GNB3: variants seen among roughly 807,000 people sequenced by gnomAD.
The protein encoded by GNB3 is guanine nucleotide-binding protein G(I)/G(S)/G(T) subunit beta-3.
Under a neutral mutation model 41.2 loss-of-function variants are expected in GNB3, and 33 were observed. The observed-to-expected ratio is 0.80, with a 90% CI of 0.61 to 1.07. The LOEUF (loss-of-function observed/expected upper bound fraction) is 1.07. Among genes scored for constraint, GNB3 ranks in the 50% least tolerant of loss-of-function variants. GNB3 has a pLI of 0.00. For missense variants in GNB3, 409 were observed against 455.3 expected (o/e 0.90, Z 0.92); for synonymous variants, 172 against 173.4 (o/e 0.99, Z 0.06).
chr12:6,842,869 G>C, intron 3 of GNB3, 101 bp from the exon 4 acceptor site: 1 of 726,792 alleles, frequency 1.4e-6, no homozygotes, highest in Non-Finnish European at 2.3e-6. Context: ...GCCTGACCTA[G>C]AGCCTGGCAC....
intron 9 of GNB3, chr12:6,846,309 T>G (rs1943695636): frequency 5.9e-6 from 1 of 168,570 alleles, no homozygotes; most frequent in Admixed American, 5.9e-5. Context: ...CTAATTCTGT[T>G]GCTCACTTTC....
chr12:6,842,389 A>AAAAAAATTG (rs1399565497), intron 3 of GNB3, among the ~76,000 whole-genome samples: 1 of 152,148 alleles, frequency 6.6e-6, no homozygotes, highest in East Asian at 1.9e-4. Context: ...TCTTAATATA[A>AAAAAAATTG]AAAAAATTGC....
chr12:6,846,706 C>CACCCACACAT (rs2137995332), intron 9 of GNB3, 86 bp from the exon 10 acceptor site: 1 of 732,042 alleles, frequency 1.4e-6, no homozygotes, highest in East Asian at 2.7e-5. Context: ...CACACCCACA[C>CACCCACACAT]ACCCACACAT....
chr12:6,846,761 A>T, intron 9 of GNB3, 31 bp from the exon 10 acceptor site: 2 of 1,283,892 alleles, frequency 1.6e-6, no homozygotes, highest in Non-Finnish European at 2.2e-6. Context: ...CAGCTTGGAG[A>T]GACAGGCTGA....
chr12:6,843,587 G>A lies in GNB3; in HGVS notation c.431-45G>A, dbSNP rs1555123885. ...TCAGGGAACCCTGGGCTTCCAGTGG[G>A]CTGTGGCTCTGCAGCCAGGGCACTG... On this transcript the variant is annotated intron_variant, in intron 6 of 9. Coordinates refer to ENST00000229264, the MANE Select transcript of GNB3 (RefSeq NM_002075.4). This position sits in a 1 kb window ranked among gnomAD's most constrained non-coding sequence, Gnocchi z 5.9. 6.2e-7 allele frequency: 1 copy of A among 1,612,144 alleles called. No homozygotes were observed. The highest frequency in any genetic ancestry group is 2.2e-5 in the East Asian group (1 of 44,874).
intron 9 of GNB3, 153 bp from the exon 10 acceptor site, chr12:6,846,639 A>C (rs1325127646): frequency 3.3e-6 from 2 of 606,414 alleles, no homozygotes; most frequent in African/African-American, 1.8e-5. Context: ...ACACGTACAC[A>C]CACCCACACA....
At chr12:6,841,103 C>A in intron 1 of GNB3, 70 bp downstream of exon 1, 1 of 626,768 alleles carries the variant, frequency 1.6e-6, no homozygotes, top group Non-Finnish European at 2.9e-6. Flanking sequence ...CAGGCTGGGG[C>A]TGGACGCAAA....
At chr12:6,844,084 TCTTACTGTA>T (rs1555124059) in intron 8 of GNB3, 106 bp downstream of exon 8, 3 of 601,364 alleles carry the variant, frequency 5.0e-6, no homozygotes, top group African/African-American at 4.1e-5. Flanking sequence ...CCTAGCCCTT[TCTTACTGTA>T]TTTTTTTTTT....
intron 8 of GNB3, chr12:6,844,691 G>A (rs1229319378): frequency 6.6e-6 from 1 of 152,216 alleles, no homozygotes; most frequent in Non-Finnish European, 1.5e-5. Flanking sequence ...AAAATATTGG[G>A]ATTACAGGCA....
In GNB3 at chr12:6,847,193, T is replaced by C; in HGVS notation, c.*295T>C. 2.6e-6 allele frequency: 1 copy of C among 379,302 alleles called. No individual in the cohort carries two copies. Among genetic ancestry groups the C allele is most frequent in the South Asian group, 4.1e-5 (1 of 24,332 alleles). 23.5% of individuals were successfully genotyped at this position (379,302 alleles called of 1,614,324 possible). A position where few individuals can be genotyped will look rare whatever the true frequency, so the allele number is the denominator to read the frequency against. On this transcript the variant is annotated 3_prime_UTR_variant, in exon 10 of 10. Transcript: ENST00000229264. ...CCAGCCCTTTGCAGGCCCAGCAGAC[T>C]TGAGTCTGAGGCCCCAGGCCCTAGG...
At position 6,845,678 on chromosome 12, in the gene GNB3, C is replaced by T. The variant is rs1355335675; in HGVS notation, c.792C>T (p.Phe264=). 6.2e-7 allele frequency: 1 copy of T among 1,614,044 alleles called. No homozygotes were observed. Among genetic ancestry groups the T allele is most frequent in the Non-Finnish European group, 8.5e-7 (1 of 1,179,956 alleles). Residue 264 remains phenylalanine (F), a synonymous_variant, in exon 9 of 10, where the codon TTC becomes TTT. Coordinates refer to ENST00000229264, the MANE Select transcript of GNB3 (RefSeq NM_002075.4). ...GGGCAGACCAGGAGCTGATCTGCTT[C>T]TCCCACGAGAGCATCATCTGCGGCA... ...DLRADQELIC[F]SHESIICGIT...
intron 8 of GNB3, 197 bp from the exon 9 acceptor site, chr12:6,845,389 G>T: frequency 1.7e-6 from 1 of 594,504 alleles, no homozygotes; most frequent in South Asian, 2.0e-5. Flanking sequence ...GTGCAGAGCG[G>T]GCGAGGGGCA....
Position 6,845,638 on chromosome 12 carries a change from G to C in GNB3, c.752G>C (p.Arg251Pro). The change falls in exon 9 of 10, where the codon CGC becomes CCC. Residue 251 changes from arginine to proline, a missense_variant. By Grantham distance (103) the Arg-to-Pro change is moderately radical. Coordinates refer to ENST00000229264, the MANE Select transcript of GNB3 (RefSeq NM_002075.4). ...ACGGGCTCGGATGACGCTTCCTGCC[G>C]CTTGTTTGACCTGCGGGCAGACCAG... is the stretch of plus-strand genomic sequence containing the variant. ...ICTGSDDASCRLFDLRADQEL... is the reference protein window; with the variant it reads ...ICTGSDDASCPLFDLRADQEL... 4 of 1,613,662 alleles carry C rather than the reference G, an allele frequency of 2.5e-6. No individual in the cohort carries two copies. The highest frequency in any genetic ancestry group is 3.4e-6 in the Non-Finnish European group (4 of 1,179,934).
intron 8 of GNB3, 124 bp from the exon 9 acceptor site, chr12:6,845,462 G>A: frequency 3.0e-6 from 2 of 661,964 alleles, no homozygotes; most frequent in Non-Finnish European, 5.3e-6. Context: ...AACCAAGGGA[G>A]GGACAGGCAG....
In GNB3 at chr12:6,841,809, G is replaced by A. The variant is rs73258795; in HGVS notation, c.96+185G>A. ...CTGAGCCAGGCACCATATTGGATGC[G>A]AAAGATGCGGACACGGTTCCTATTC... On this transcript the variant is annotated intron_variant, in intron 3 of 9. Coordinates refer to ENST00000229264, the MANE Select transcript of GNB3 (RefSeq NM_002075.4). 3,088 of 703,842 alleles carry A rather than the reference G, an allele frequency of 4.4e-3. 54 individuals carry two copies. In the African/African-American group the frequency reaches 0.046, roughly 11 times the overall value. 43.6% of individuals were successfully genotyped at this position (703,842 alleles called of 1,614,324 possible). A position where few individuals can be genotyped will look rare whatever the true frequency, so the allele number is the denominator to read the frequency against.
chr12:6,845,947 A>G, intron 9 of GNB3, 145 bp downstream of exon 9: 1 of 647,306 alleles, frequency 1.5e-6, no homozygotes. Flanking sequence ...CCTGGAATCC[A>G]GTACCCCTTG....
Position 6,845,815 on chromosome 12 carries a change from C to A in GNB3, c.916+13C>A. 6.3e-7 allele frequency: 1 copy of A among 1,588,182 alleles called. No homozygotes were observed. Among genetic ancestry groups the A allele is most frequent in the African/African-American group, 1.3e-5 (1 of 74,420 alleles). On this transcript the variant is annotated intron_variant, in intron 9 of 9. Coordinates refer to ENST00000229264, the MANE Select transcript of GNB3 (RefSeq NM_002075.4). ...TCTGAGCGTGTGGGTAAGGGCCAGC[C>A]CTGGCTGCTGCTTCCTCAGCTGGAA...
Position 6,845,585 on chromosome 12 carries a change from G to C in GNB3, c.700-1G>C. 1.2e-6 allele frequency: 2 copies of C among 1,606,894 alleles called. No individual in the cohort carries two copies. Among genetic ancestry groups the C allele is most frequent in the Non-Finnish European group, 1.7e-6 (2 of 1,177,218 alleles). On this transcript the variant is annotated splice_acceptor_variant, in intron 8 of 9. Transcript: ENST00000229264. LOFTEE classifies it high-confidence loss of function. ...GACCCACTTGCCACCCGTGCCCTCA[G>C]TTCTTCCCCAATGGAGAGGCCATCT...
chr12:6,843,293 G>A lies in GNB3; in HGVS notation c.267+56G>A. ...ACTGCATCCTTCCTAAGGGCGCCAT[G>A]CCTACCCTCCTGTGCCCAGCTGGGA... On this transcript the variant is annotated intron_variant, in intron 5 of 9. Transcript: ENST00000229264. The surrounding 1 kb of genome is among the most constrained non-coding windows in gnomAD (Gnocchi z 5.9). 1 of 1,610,126 alleles carries A rather than the reference G, an allele frequency of 6.2e-7. No individual in the cohort carries two copies. The highest frequency in any genetic ancestry group is 8.5e-7 in the Non-Finnish European group (1 of 1,176,426).
Sources: allele counts gnomAD v4.1 joint callset (sites outside exome capture counted in the v4.1 genomes callset), GRCh38; gene constraint gnomAD v4.1.1; non-coding constraint Gnocchi (gnomAD v3.1); transcripts MANE v1.5; gene names NCBI Gene and HGNC (gene_info 2026-07-23, HGNC 2026-07-21).